The following MEF2B variants were observed in gnomAD, a reference collection of about 807,000 sequenced individuals.
MEF2B encodes myocyte enhancer factor 2B.
In MEF2B, 15 loss-of-function variants were observed where a neutral mutation model predicts 32.2. The ratio of observed to expected loss-of-function variants is 0.47; its 90% CI spans 0.31 to 0.72. The LOEUF is 0.72. Among genes scored for constraint, MEF2B ranks in the 30% least tolerant of loss-of-function variants. The pLI is 0.05. For missense variants in MEF2B, 441 were observed against 511.5 expected (o/e 0.86, Z 1.33); for synonymous variants, 205 against 225.6 (o/e 0.91, Z 0.82).
intron 1 of MEF2B, among the ~76,000 whole-genome samples, chr19:19,165,879 C>T (rs1023817954): frequency 2.6e-5 from 4 of 152,126 alleles, no homozygotes; most frequent in African/African-American, 9.7e-5. Context: ...CCCACCTTGA[C>T]CTTGGGTGAA....
Position 19,145,984 on chromosome 19 carries a change from C to A in MEF2B, c.920G>T (p.Arg307Leu), listed in dbSNP as rs1008837361. ...RSLGEEGPPT[R>L]GASPPTPPVS... ...TGGGGGGGTCGGCGGGGAGGCGCCG[C>A]GGGTTGGGGGACCCTCCTCGCCCAG... Residue 307 changes from arginine to leucine, a missense_variant, in exon 9 of 9, where the codon CGC becomes CTC. By Grantham distance (102) the Arg-to-Leu change is moderately radical. Coordinates refer to ENST00000424583, the MANE Select transcript of MEF2B (RefSeq NM_001145785.2). This position sits in a 1 kb window ranked among gnomAD's most constrained non-coding sequence, Gnocchi z 4.6. The A allele has an allele frequency of 6.3e-6, 9 of 1,432,510 alleles. No individual in the cohort carries two copies. The highest frequency in any genetic ancestry group is 6.1e-5 in the Admixed American group (2 of 32,730). 88.7% of individuals were successfully genotyped at this position (1,432,510 alleles called of 1,614,324 possible). A position where few individuals can be genotyped will look rare whatever the true frequency, so the allele number is the denominator to read the frequency against.
rs1435042112 is a variant in MEF2B, at chr19:19,146,992, C to T, written c.541+44G>A. 4.5e-6 allele frequency: 7 copies of T among 1,564,172 alleles called. No homozygotes were observed. The South Asian group carries it at 7.1e-5, about 16-fold the overall frequency. ...ATGCCAGAGCCAAGATGCACCCAAACAGCCCCTCAGGACCTCACCCCTGCC... is the reference window on the plus strand; with the variant it reads ...ATGCCAGAGCCAAGATGCACCCAAATAGCCCCTCAGGACCTCACCCCTGCC... On this transcript the variant is annotated intron_variant, in intron 5 of 8. Transcript: ENST00000424583.
Position 19,146,762 on chromosome 19 carries a change from G to A in MEF2B, c.655C>T (p.Arg219Ter). The stretch of plus-strand genomic sequence containing the variant: ...CTCACGGAGGTGTTTAGTCCCCCTC[G>A]GGGCCCAGCCAGGCCACCAGGCAGG... Reference protein sequence around the residue: ...SDLPGGLAGPRGGLNTSRSLY... With the variant: ...SDLPGGLAGP Residue 219 changes from arginine (R) to a stop codon, truncating the protein, a stop_gained, in exon 6 of 9, where the codon CGA becomes TGA. Transcript: ENST00000424583. LOFTEE classifies it high-confidence loss of function. The A allele has an allele frequency of 1.9e-6, 3 of 1,613,996 alleles. No homozygotes were observed. Among genetic ancestry groups the A allele is most frequent in the East Asian group, 2.2e-5 (1 of 44,882 alleles).
chr19:19,162,967 T>G (rs1322821301), intron 1 of MEF2B, among the ~76,000 whole-genome samples: 2 of 151,194 alleles, frequency 1.3e-5, no homozygotes, highest in Non-Finnish European at 3.0e-5. Flanking sequence ...CCAGCCCACC[T>G]TCTGCCCCTT....
intron 1 of MEF2B, among the ~76,000 whole-genome samples, chr19:19,169,077 G>A (rs1296941696): frequency 1.3e-5 from 2 of 151,460 alleles, no homozygotes; most frequent in Non-Finnish European, 2.9e-5. Context: ...TTAAAGCCAG[G>A]TGCAGGGGCT....
intron 7 of MEF2B, 47 bp downstream of exon 7, chr19:19,146,508 G>A: frequency 6.8e-7 from 1 of 1,477,836 alleles, no homozygotes; most frequent in South Asian, 1.4e-5. Flanking sequence ...CAGAGGGCAG[G>A]AGTGCGGACG....
intron 1 of MEF2B, among the ~76,000 whole-genome samples, chr19:19,168,771 A>T (rs2060229881): frequency 6.6e-6 from 1 of 151,926 alleles, no homozygotes; most frequent in Non-Finnish European, 1.5e-5. Context: ...TTAAAAAAAC[A>T]ATTTTTTTTG....
chr19:19,169,563 C>T (rs2060236491), intron 1 of MEF2B, among the ~76,000 whole-genome samples: 1 of 152,048 alleles, frequency 6.6e-6, no homozygotes, highest in African/African-American at 2.4e-5. Context: ...ACACAGGTCA[C>T]CCATATCTGC....
chr19:19,165,898 T>C (rs1488566499), intron 1 of MEF2B, among the ~76,000 whole-genome samples: 1 of 152,040 alleles, frequency 6.6e-6, no homozygotes, highest in East Asian at 1.9e-4. Context: ...AAACTGGGCT[T>C]GGAGGGAAAC....
intron 1 of MEF2B, among the ~76,000 whole-genome samples, chr19:19,166,571 C>A (rs1469630493): frequency 7.4e-6 from 1 of 134,764 alleles, no homozygotes. Context: ...GCCTGAGCAA[C>A]ATAGGGAGAC....
At chr19:19,155,076 C>T (rs1386215045) in intron 1 of MEF2B, among the ~76,000 whole-genome samples, 5 of 152,210 alleles carry the variant, frequency 3.3e-5, no homozygotes, top group Non-Finnish European at 2.9e-5. Context: ...CAAAGCCATC[C>T]TCCACTCTAG....
intron 1 of MEF2B, among the ~76,000 whole-genome samples, chr19:19,166,105 C>T (rs920245429): frequency 2.0e-5 from 3 of 152,118 alleles, no homozygotes; most frequent in Non-Finnish European, 2.9e-5. Context: ...CTGTTTTGCA[C>T]AGGAGTGGGC....
At chr19:19,150,154 AGGAG>A (rs1260936344) in intron 2 of MEF2B, among the ~76,000 whole-genome samples, 4 of 112,326 alleles carry the variant, frequency 3.6e-5, no homozygotes, top group African/African-American at 7.0e-5. Context: ...GAGGGAGGGA[AGGAG>A]GGAGGGAGGG....
intron 1 of MEF2B, among the ~76,000 whole-genome samples, chr19:19,154,124 T>C (rs57157462): frequency 0.16 from 24,436 of 151,864 alleles, 2,228 homozygotes; most frequent in East Asian, 0.34. Context: ...TATGAGAGCA[T>C]ATTTTATTTT....
At chr19:19,166,658 C>T (rs2060211284) in intron 1 of MEF2B, among the ~76,000 whole-genome samples, 1 of 150,002 alleles carries the variant, frequency 6.7e-6, no homozygotes. Context: ...ACTCGGGAGA[C>T]TGAGGTGACA....
intron 1 of MEF2B, among the ~76,000 whole-genome samples, chr19:19,152,819 A>T (rs950789694): frequency 1.3e-5 from 2 of 152,150 alleles, no homozygotes; most frequent in Non-Finnish European, 2.9e-5. Flanking sequence ...GAAGTGTTAG[A>T]TACCTCGGCT....
At chr19:19,147,640 G>A in intron 4 of MEF2B, 58 bp downstream of exon 4, 3 of 1,590,118 alleles carry the variant, frequency 1.9e-6, no homozygotes, top group South Asian at 2.3e-5. Flanking sequence ...CAGCCTCAAC[G>A]ACTTGGGCCT....
rs761676207 is a variant in MEF2B, at chr19:19,147,702, A to T, written c.389T>A (p.Leu130Gln). 1 of 1,613,298 alleles carries T rather than the reference A, an allele frequency of 6.2e-7. No homozygotes were observed. Among genetic ancestry groups the T allele is most frequent in the Non-Finnish European group, 8.5e-7 (1 of 1,179,600 alleles). ...CAGGGCCAGGGAGTCACTTACATAC[A>T]GCCGGGGTCGGGGCAAGGCCGGATC... The part of the protein sequence containing the change: ...GGDPALPRPR[L>Q]YPAAPAMPSP... The change falls in exon 4 of 9, where the codon CTG becomes CAG. Residue 130 changes from leucine (L) to glutamine (Q), a missense_variant. This residue lies in a region of MEF2B where 115 missense variants were observed against 183.1 expected (regional missense o/e 0.63). Transcript: ENST00000424583.
chr19:19,160,119 C>T lies in MEF2B; in HGVS notation c.-29-9355G>A, dbSNP rs773849371. Among the ~76,000 whole-genome samples the T allele has an allele frequency of 2.6e-5, 4 of 152,150 alleles. No homozygotes were observed. In the South Asian group the frequency reaches 8.3e-4, roughly 32 times the overall value. Reference sequence around the variant, plus strand: ...GAGTAGCTGGGATTACAGGTGCACACCATCACACCCAGCTAATTTTTTATA... The same window carrying T: ...GAGTAGCTGGGATTACAGGTGCACATCATCACACCCAGCTAATTTTTTATA... On this transcript the variant is annotated intron_variant, in intron 1 of 8. Transcript: ENST00000424583.
Sources: allele counts gnomAD v4.1 joint callset (sites outside exome capture counted in the v4.1 genomes callset), GRCh38; gene constraint gnomAD v4.1.1; regional missense constraint gnomAD v4.1.1; non-coding constraint Gnocchi (gnomAD v3.1); transcripts MANE v1.5; gene names NCBI Gene and HGNC (gene_info 2026-07-23, HGNC 2026-07-21).